Variants in GRIA4 observed in about 807,000 individuals in gnomAD.
GRIA4 encodes the protein glutamate receptor 4.
GRIA4 carries 34 observed loss-of-function variants against 104.0 expected under a neutral mutation model. That is an observed-to-expected ratio of 0.33 (90% CI 0.25 to 0.44). The LOEUF (loss-of-function observed/expected upper bound fraction) is 0.44. Among genes scored for constraint, GRIA4 ranks in the 20% least tolerant of loss-of-function variants. The probability of loss-of-function intolerance (pLI) is 1.00; values close to 1 mark genes in which losing one functional copy is unlikely to be tolerated. For synonymous variants in GRIA4, 386 were observed against 381.9 expected, an observed-to-expected ratio of 1.01 and a Z score of -0.13; for missense variants, 750 against 1,096.5, an observed-to-expected ratio of 0.68 and a Z score of 4.46.
intron 3 of GRIA4, among the ~76,000 whole-genome samples, chr11:105,715,793 C>T (rs368722166): frequency 2.6e-5 from 4 of 152,008 alleles, no homozygotes; most frequent in African/African-American, 9.7e-5. Flanking sequence ...ACCCAGGGTC[C>T]CTTCATCTCG....
intron 4 of GRIA4, among the ~76,000 whole-genome samples, chr11:105,828,874 C>T (rs11226857): frequency 0.32 from 49,061 of 151,764 alleles, 8,139 homozygotes; most frequent in South Asian, 0.42. Flanking sequence ...CATGAGTTTC[C>T]TATGTTCAGC....
chr11:105,719,926 T>C (rs1454104754), intron 3 of GRIA4, among the ~76,000 whole-genome samples: 2 of 152,080 alleles, frequency 1.3e-5, no homozygotes, highest in African/African-American at 4.8e-5. Flanking sequence ...CTGTAAAATA[T>C]CCTGCCAATT....
At chr11:105,626,047 T>A (rs147049719) in intron 3 of GRIA4, among the ~76,000 whole-genome samples, 1 of 152,286 alleles carries the variant, frequency 6.6e-6, no homozygotes, top group African/African-American at 2.4e-5. Flanking sequence ...AGATGTGGGA[T>A]GATGCCAGGA....
intron 4 of GRIA4, among the ~76,000 whole-genome samples, chr11:105,757,353 A>T (rs1247489069): frequency 6.6e-6 from 1 of 152,168 alleles, no homozygotes; most frequent in African/African-American, 2.4e-5. Context: ...AGATGCTAGA[A>T]GTCATCCTGA....
At chr11:105,979,422 T>G (rs966236261) in intron 16 of GRIA4, among the ~76,000 whole-genome samples, 153 bp from the exon 17 acceptor site, 5 of 152,218 alleles carry the variant, frequency 3.3e-5, no homozygotes, top group Non-Finnish European at 7.3e-5. Flanking sequence ...TTCCTTTCCC[T>G]GGATAAGCAG....
At chr11:105,918,548 C>T (rs1947472405) in intron 10 of GRIA4, among the ~76,000 whole-genome samples, 164 bp from the exon 11 acceptor site, 1 of 152,016 alleles carries the variant, frequency 6.6e-6, no homozygotes, top group Non-Finnish European at 1.5e-5. Flanking sequence ...TCTAAGCATA[C>T]TTATATATTC....
At chr11:105,959,766 G>A (rs984398249) in intron 14 of GRIA4, among the ~76,000 whole-genome samples, 7 of 152,202 alleles carry the variant, frequency 4.6e-5, no homozygotes, top group African/African-American at 1.7e-4. Flanking sequence ...TGAGGCTGCT[G>A]ACCCTTGGAT....
chr11:105,614,891 A>C (rs1950562446), intron 3 of GRIA4, among the ~76,000 whole-genome samples: 1 of 151,970 alleles, frequency 6.6e-6, no homozygotes, highest in Admixed American at 6.6e-5. Flanking sequence ...CAGTAAATAT[A>C]AGGCAACCTC....
intron 14 of GRIA4, among the ~76,000 whole-genome samples, chr11:105,959,323 C>A (rs553809754): frequency 6.6e-6 from 1 of 152,038 alleles, no homozygotes; most frequent in East Asian, 1.9e-4. Flanking sequence ...TTTCTCTATT[C>A]TTGTCTGTAT....
rs568145440 is a variant in GRIA4 at position 105,875,787 on chromosome 11, A to G, written c.673-11732A>G. 2.0e-5 allele frequency among the ~76,000 whole-genome samples: 3 copies of G among 152,042 alleles called. No homozygotes were observed. The South Asian group carries it at 6.2e-4, about 32-fold the overall frequency. The stretch of plus-strand genomic sequence containing the variant: ...CCCTTTATTATTTTTTACCGTGTCT[A>G]TTTGATTCTTCTCTCTTTTCTTCTT... On this transcript the variant is annotated intron_variant, in intron 5 of 16. Transcript: ENST00000282499.
Position 105,924,381 on chromosome 11 carries a change from GTGTTTTT to G in GRIA4, c.1477-16_1477-10del. ...AATTCATTAACCTATGTGTCTCCAT[GTGTTTTT>G]TCTCTTATAGAAAGCAGAGATTGCT... On this transcript the variant is annotated splice_polypyrimidine_tract_variant and intron_variant, in intron 11 of 16. Coordinates refer to ENST00000282499, the MANE Select transcript of GRIA4 (RefSeq NM_000829.4). 6.4e-7 allele frequency: 1 copy of G among 1,551,000 alleles called. No individual in the cohort carries two copies. The highest frequency in any genetic ancestry group is 2.3e-5 in the East Asian group (1 of 44,260).
At chr11:105,826,798 C>G (rs1943786207) in intron 4 of GRIA4, among the ~76,000 whole-genome samples, 1 of 151,960 alleles carries the variant, frequency 6.6e-6, no homozygotes, top group East Asian at 1.9e-4. Flanking sequence ...CTACGAACAT[C>G]CAAATTGTCA....
At chr11:105,952,557 C>T (rs1478291556) in intron 14 of GRIA4, among the ~76,000 whole-genome samples, 1 of 152,158 alleles carries the variant, frequency 6.6e-6, no homozygotes, top group Non-Finnish European at 1.5e-5. Context: ...CAAGGAATAA[C>T]ATTCCTCAGA....
intron 4 of GRIA4, among the ~76,000 whole-genome samples, chr11:105,859,871 G>C (rs1945156970): frequency 6.6e-6 from 1 of 152,082 alleles, no homozygotes; most frequent in African/African-American, 2.4e-5. Flanking sequence ...AGATTTAAAA[G>C]AACATTGCCT....
chr11:105,846,260 T>C (rs186072332), intron 4 of GRIA4, among the ~76,000 whole-genome samples: 3 of 152,300 alleles, frequency 2.0e-5, no homozygotes, highest in Admixed American at 1.3e-4. Flanking sequence ...AAATTCATTT[T>C]CAAATTGCTG....
intron 3 of GRIA4, among the ~76,000 whole-genome samples, chr11:105,649,055 A>C (rs1033729594): frequency 6.6e-6 from 1 of 152,174 alleles, no homozygotes; most frequent in Non-Finnish European, 1.5e-5. Flanking sequence ...ATGTTAATGC[A>C]GAAAAACATT....
At chr11:105,794,104 T>C (rs1426201634) in intron 4 of GRIA4, among the ~76,000 whole-genome samples, 1 of 152,072 alleles carries the variant, frequency 6.6e-6, no homozygotes, top group Non-Finnish European at 1.5e-5. Context: ...TCGGCAGTTA[T>C]GATAATGTCT....
intron 14 of GRIA4, among the ~76,000 whole-genome samples, chr11:105,947,437 A>G (rs1327113654): frequency 6.6e-6 from 1 of 152,222 alleles, no homozygotes; most frequent in Non-Finnish European, 1.5e-5. Flanking sequence ...TTACATGGAC[A>G]TTTGTTATAT....
chr11:105,657,823 G>GA (rs919513100), intron 3 of GRIA4, among the ~76,000 whole-genome samples: 4 of 151,614 alleles, frequency 2.6e-5, no homozygotes, highest in East Asian at 1.9e-4. Flanking sequence ...AATATAAAAA[G>GA]AAAAAATAAG....
Sources: allele counts gnomAD v4.1 joint callset (sites outside exome capture counted in the v4.1 genomes callset), GRCh38; gene constraint gnomAD v4.1.1; transcripts MANE v1.5; gene names NCBI Gene and HGNC (gene_info 2026-07-23, HGNC 2026-07-21).